The following MEAK7 variants were observed in gnomAD, a reference collection of about 807,000 sequenced individuals.
MEAK7 encodes the protein MTOR-associated protein MEAK7.
A neutral mutation model predicts 40.5 loss-of-function variants in MEAK7; 68 were observed. That is an observed-to-expected ratio of 1.68 (90% CI 1.38 to 2.06). The LOEUF (loss-of-function observed/expected upper bound fraction) is 2.06. MEAK7 is among the 30% of genes most tolerant of loss of function. MEAK7 has a pLI of 0.00. For synonymous variants in MEAK7, 338 were observed against 231.9 expected (o/e 1.46, Z -4.16); for missense variants, 918 against 580.5 (o/e 1.58, Z -5.98).
At chr16:84,490,564 G>C (rs1165723683) in intron 3 of MEAK7, among the ~76,000 whole-genome samples, 1 of 140,084 alleles carries the variant, frequency 7.1e-6, no homozygotes, top group Non-Finnish European at 1.5e-5. Context: ...AGTCATTTTT[G>C]TCCCAGGTAA....
At chr16:84,501,414 C>G (rs1914495774) in intron 1 of MEAK7, among the ~76,000 whole-genome samples, 1 of 152,144 alleles carries the variant, frequency 6.6e-6, no homozygotes, top group Non-Finnish European at 1.5e-5. Context: ...CACCCCAACT[C>G]CCACTTTCTG....
chr16:84,501,836 C>A (rs1430598611), intron 1 of MEAK7, among the ~76,000 whole-genome samples: 2 of 152,148 alleles, frequency 1.3e-5, no homozygotes, highest in Non-Finnish European at 2.9e-5. Context: ...CCTTTGAGAG[C>A]CCCGTGCCAG....
rs1003562732 is a variant in MEAK7, at chr16:84,477,064, GTAT to G, written c.*2846_*2848del. 2.6e-5 allele frequency: 4 copies of G among 151,748 alleles called. No individual in the cohort carries two copies. The highest frequency in any genetic ancestry group is 9.7e-5 in the African/African-American group (4 of 41,222). 9.4% of individuals were successfully genotyped at this position (151,748 alleles called of 1,614,324 possible). A position where few individuals can be genotyped will look rare whatever the true frequency, so the allele number is the denominator to read the frequency against. ...GTGTTACCATGCCTGGTTAATTTTC[GTAT>G]TTTTTTTTGTAGAGATGGGTTTTCG... On this transcript the variant is annotated 3_prime_UTR_variant, in exon 8 of 8. Transcript: ENST00000343629.
rs748990363 is a variant in MEAK7 at position 84,476,610 on chromosome 16, G to C, written c.*3303C>G. Reference sequence around the variant, plus strand: ...AAATGTTCCCCAGCTGCAGACGGTGGAACGCTAGGCCCGAGAGCATCCATA... The same window carrying C: ...AAATGTTCCCCAGCTGCAGACGGTGCAACGCTAGGCCCGAGAGCATCCATA... On this transcript the variant is annotated 3_prime_UTR_variant, in exon 8 of 8. Coordinates refer to ENST00000343629, the MANE Select transcript of MEAK7 (RefSeq NM_020947.4). The C allele has an allele frequency of 6.6e-6, 1 of 152,154 alleles. No individual in the cohort carries two copies. Among genetic ancestry groups the C allele is most frequent in the Admixed American group, 6.5e-5 (1 of 15,272 alleles). 9.4% of individuals were successfully genotyped at this position (152,154 alleles called of 1,614,324 possible).
At position 84,480,567 on chromosome 16, in the gene MEAK7, C is replaced by G. The variant is rs985984938; in HGVS notation, c.1219G>C (p.Glu407Gln). The change falls in exon 7 of 8, where the codon GAG becomes CAG. Residue 407 changes from glutamate (E) to glutamine (Q), a missense_variant. Coordinates refer to ENST00000343629, the MANE Select transcript of MEAK7 (RefSeq NM_020947.4). ...AQENFQFDKM[E>Q]VWAVGDPSEE... is the part of the protein sequence containing the mutation. ...GAGGGGTCTCCAACCGCCCACACCT[C>G]CATCTTATCAAACTGGAAGTTCTCC... 5 of 1,613,742 alleles carry G rather than the reference C, an allele frequency of 3.1e-6. No homozygotes were observed. The highest frequency in any genetic ancestry group is 3.3e-5 in the Admixed American group (2 of 59,990).
intron 3 of MEAK7, among the ~76,000 whole-genome samples, chr16:84,494,047 G>GAAATA (rs570739113): frequency 4.6e-5 from 7 of 152,026 alleles, no homozygotes; most frequent in African/African-American, 7.3e-5. Context: ...CTAAAAAAAT[G>GAAATA]AAATAAAATA....
rs767496858 is a variant in MEAK7, at chr16:84,489,435, A to G, written c.385-13T>C. 1 of 1,598,068 alleles carries G rather than the reference A, an allele frequency of 6.3e-7. No individual in the cohort carries two copies. The highest frequency in any genetic ancestry group is 2.3e-5 in the East Asian group (1 of 44,248). On this transcript the variant is annotated splice_polypyrimidine_tract_variant and intron_variant, in intron 3 of 7. Transcript: ENST00000343629. Reference sequence around the variant, plus strand: ...GATCCTCTGTAAACTGTAAGATCACAATTTTACCATTAAAAACAGTTCCAC... The same window carrying G: ...GATCCTCTGTAAACTGTAAGATCACGATTTTACCATTAAAAACAGTTCCAC...
chr16:84,482,490 T>A, intron 6 of MEAK7, 102 bp downstream of exon 6: 6 of 1,571,790 alleles, frequency 3.8e-6, no homozygotes, highest in Non-Finnish European at 5.2e-6. Flanking sequence ...AGGAACTGAA[T>A]GCCACGCGCC....
At chr16:84,503,054 T>A (rs948790567) in intron 1 of MEAK7, among the ~76,000 whole-genome samples, 4 of 152,212 alleles carry the variant, frequency 2.6e-5, no homozygotes, top group African/African-American at 9.6e-5. Flanking sequence ...TTGATCACCA[T>A]TATCTGTTCA....
At chr16:84,488,933 AG>A (rs1913325872) in intron 4 of MEAK7, among the ~76,000 whole-genome samples, 1 of 152,202 alleles carries the variant, frequency 6.6e-6, no homozygotes, top group Non-Finnish European at 1.5e-5. Flanking sequence ...AATAAAAGCT[AG>A]AGGAAAATAA....
At chr16:84,486,221 C>G in intron 5 of MEAK7, 1 of 176,562 alleles carries the variant, frequency 5.7e-6, no homozygotes, top group Non-Finnish European at 1.2e-5. Context: ...CCAGTGCATT[C>G]AAGGTCATGC....
intron 1 of MEAK7, among the ~76,000 whole-genome samples, chr16:84,500,368 G>A (rs757978620): frequency 6.6e-6 from 1 of 152,172 alleles, no homozygotes; most frequent in South Asian, 2.1e-4. Flanking sequence ...AACATTCTGA[G>A]GGGCCGCCAA....
chr16:84,490,043 T>C (rs561501983), intron 3 of MEAK7, among the ~76,000 whole-genome samples: 37 of 152,346 alleles, frequency 2.4e-4, no homozygotes, highest in African/African-American at 7.9e-4. Flanking sequence ...AACAACCAAC[T>C]GGTCTTCATT....
At chr16:84,502,042 G>A (rs1914545537) in intron 1 of MEAK7, among the ~76,000 whole-genome samples, 1 of 152,140 alleles carries the variant, frequency 6.6e-6, no homozygotes, top group South Asian at 2.1e-4. Flanking sequence ...TACTTGAGAG[G>A]CTGAGGCAGG....
rs571630201 is a variant in MEAK7, at chr16:84,490,653, G to GGT, written c.385-1232_385-1231insAC. Among the ~76,000 whole-genome samples the GGT allele has an allele frequency of 5.9e-3, 616 of 104,492 alleles. 9 individuals carry two copies. The highest frequency in any genetic ancestry group is 0.018 in the East Asian group (73 of 4,076). 68.6% of individuals were successfully genotyped at this position (104,492 alleles called of 152,430 possible). Reference sequence around the variant, plus strand: ...GTCAGCTTAATTAAAAGCTAATCAAGATGTGTGTGTGTGTGTGTGTGTGTG... The same window carrying GGT: ...GTCAGCTTAATTAAAAGCTAATCAAGGTATGTGTGTGTGTGTGTGTGTGTGTG... On this transcript the variant is annotated intron_variant, in intron 3 of 7. Transcript: ENST00000343629.
intron 1 of MEAK7, among the ~76,000 whole-genome samples, chr16:84,498,631 C>A (rs1310639332): frequency 6.6e-6 from 1 of 151,820 alleles, no homozygotes; most frequent in Non-Finnish European, 1.5e-5. Flanking sequence ...CTGGAAAAGC[C>A]CATCGTGACG....
intron 5 of MEAK7, among the ~76,000 whole-genome samples, chr16:84,484,480 A>C (rs1912860220): frequency 6.6e-6 from 1 of 152,256 alleles, no homozygotes; most frequent in African/African-American, 2.4e-5. Context: ...TCCTGTGTTC[A>C]ATCCAAAGCC....
At position 84,480,603 on chromosome 16, in the gene MEAK7, G is replaced by A; in HGVS notation, c.1183C>T (p.Leu395=). The change falls in exon 7 of 8, where the codon CTG becomes TTG. Residue 395 remains leucine, a synonymous_variant. Transcript: ENST00000343629. Reference sequence around the variant, plus strand: ...AACTGGAAGTTCTCCTGAGCCGACAGCTGCGGGCTGTTGTACGTGGTGCAC... The same window carrying A: ...AACTGGAAGTTCTCCTGAGCCGACAACTGCGGGCTGTTGTACGTGGTGCAC... ...PTCTTYNSPQ[L]SAQENFQFDK... 6.2e-7 allele frequency: 1 copy of A among 1,614,090 alleles called. No individual in the cohort carries two copies. The highest frequency in any genetic ancestry group is 8.5e-7 in the Non-Finnish European group (1 of 1,179,980).
rs405185 is a variant in MEAK7 at position 84,486,416 on chromosome 16, G to A, written c.958+215C>T. ...GTGTAATAACTGGGCCCGTGTCCTC[G>A]CCTGAAAACTGGGGGTCACACGGCC... On this transcript the variant is annotated intron_variant, in intron 5 of 7. Transcript: ENST00000343629. The A allele has an allele frequency of 0.51, 684,130 of 1,348,362 alleles. 179,030 individuals are homozygous for A. Among genetic ancestry groups the A allele is most frequent in the East Asian group, 0.9 (31,420 of 34,928 alleles). 83.5% of individuals were successfully genotyped at this position (1,348,362 alleles called of 1,614,324 possible). A position where few individuals can be genotyped will look rare whatever the true frequency, so the allele number is the denominator to read the frequency against.
Sources: allele counts gnomAD v4.1 joint callset (sites outside exome capture counted in the v4.1 genomes callset), GRCh38; gene constraint gnomAD v4.1.1; transcripts MANE v1.5; gene names NCBI Gene and HGNC (gene_info 2026-07-23, HGNC 2026-07-21).